Variants in RICTOR observed in about 807,000 individuals in gnomAD.
RICTOR encodes rapamycin-insensitive companion of mTOR.
Under a neutral mutation model 214.9 loss-of-function variants are expected in RICTOR, and 49 were observed. That is an observed-to-expected ratio of 0.23 (90% CI 0.18 to 0.29). RICTOR has a LOEUF of 0.29. RICTOR is among the 10% of genes least tolerant of loss of function. RICTOR has a pLI of 1.00. For missense variants in RICTOR, 1,625 were observed against 2,047.0 expected (o/e 0.79, Z 3.98); for synonymous variants, 717 against 711.3 (o/e 1.01, Z -0.13).
chr5:39,004,458 C>A (rs1473999424), intron 3 of RICTOR, among the ~76,000 whole-genome samples: 1 of 139,024 alleles, frequency 7.2e-6, no homozygotes, highest in Non-Finnish European at 1.6e-5. Context: ...ATTTATTTCT[C>A]AAACTCTTTT....
chr5:39,034,855 G>A (rs1756551560), intron 2 of RICTOR, among the ~76,000 whole-genome samples: 1 of 152,248 alleles, frequency 6.6e-6, no homozygotes, highest in Admixed American at 6.5e-5. Flanking sequence ...AGCTCAAGGA[G>A]GCCTGCCTGC....
intron 5 of RICTOR, among the ~76,000 whole-genome samples, chr5:38,998,634 G>A (rs62359816): frequency 0.11 from 17,346 of 152,248 alleles, 1,309 homozygotes; most frequent in Non-Finnish European, 0.17. Flanking sequence ...AGTTGTCAGA[G>A]GGGACTTCAA....
chr5:38,945,080 A>G lies in RICTOR; in HGVS notation c.4634-12T>C, dbSNP rs751081429. 2 of 1,570,584 alleles carry G rather than the reference A, an allele frequency of 1.3e-6. No individual in the cohort carries two copies. The highest frequency in any genetic ancestry group is 1.7e-6 in the Non-Finnish European group (2 of 1,149,156). On this transcript the variant is annotated splice_polypyrimidine_tract_variant and intron_variant, in intron 34 of 37. Coordinates refer to ENST00000357387, the MANE Select transcript of RICTOR (RefSeq NM_152756.5). ...AATATCTTGAAAGTCTGAAGAAAAAAATAATTATTTCAATTAAAGCACCAT... is the reference window on the plus strand; with the variant it reads ...AATATCTTGAAAGTCTGAAGAAAAAGATAATTATTTCAATTAAAGCACCAT...
intron 19 of RICTOR, among the ~76,000 whole-genome samples, chr5:38,961,446 G>A (rs747865324): frequency 6.6e-6 from 1 of 152,106 alleles, no homozygotes; most frequent in Non-Finnish European, 1.5e-5. Flanking sequence ...TTAGGCCAAT[G>A]AATTTATAGA....
In RICTOR at chr5:38,950,727, T is replaced by C. The variant is rs755119861; in HGVS notation, c.3128-7A>G. 4.5e-6 allele frequency: 7 copies of C among 1,549,378 alleles called. No individual in the cohort carries two copies. Among genetic ancestry groups the C allele is most frequent in the Non-Finnish European group, 6.1e-6 (7 of 1,150,028 alleles). On this transcript the variant is annotated splice_polypyrimidine_tract_variant and splice_region_variant and intron_variant, in intron 30 of 37. Coordinates refer to ENST00000357387, the MANE Select transcript of RICTOR (RefSeq NM_152756.5). ...TCCTCCAATATGAACATACCTATGA[T>C]TGAAGGATCAATTAATAAAAACACA...
chr5:38,962,428 G>T, intron 18 of RICTOR, 57 bp downstream of exon 18: 3 of 1,162,708 alleles, frequency 2.6e-6, no homozygotes, highest in Non-Finnish European at 1.3e-6. Flanking sequence ...AGATAATTAC[G>T]TTATAATTAA....
intron 34 of RICTOR, 62 bp from the exon 35 acceptor site, chr5:38,945,130 T>C (rs558437549): frequency 1.9e-5 from 21 of 1,132,716 alleles, no homozygotes; most frequent in Middle Eastern, 2.0e-4. Flanking sequence ...TGTGCTTACA[T>C]TGCATGCTAA....
At chr5:38,946,653 A>C (rs2112823431) in intron 32 of RICTOR, 101 bp from the exon 33 acceptor site, 1 of 721,046 alleles carries the variant, frequency 1.4e-6, no homozygotes, top group South Asian at 1.7e-5. Flanking sequence ...TAGAATTACC[A>C]TAGCATATGA....
At position 38,945,635 on chromosome 5, in the gene RICTOR, G is replaced by A. The variant is rs1748108906; in HGVS notation, c.4489C>T (p.His1497Tyr). Residue 1497 changes from histidine to tyrosine, a missense_variant, in exon 34 of 38, where the codon CAT becomes TAT. Transcript: ENST00000357387. ...MSLTEIMNSI[H>Y]SDASLFLEST... ...TCTAAAAACAGAGAGGCATCTGAATGGATTGAATTCATTATTTCCGTAAGA... is the reference window on the plus strand; with the variant it reads ...TCTAAAAACAGAGAGGCATCTGAATAGATTGAATTCATTATTTCCGTAAGA... The A allele has an allele frequency of 1.9e-6, 3 of 1,613,698 alleles. No individual in the cohort carries two copies. The highest frequency in any genetic ancestry group is 2.5e-6 in the Non-Finnish European group (3 of 1,179,634).
intron 9 of RICTOR, among the ~76,000 whole-genome samples, chr5:38,976,412 G>A (rs1751234774): frequency 1.3e-5 from 2 of 151,972 alleles, no homozygotes; most frequent in Admixed American, 1.3e-4. Context: ...GGAATAAACA[G>A]CAATGACAGA....
intron 22 of RICTOR, 105 bp from the exon 23 acceptor site, chr5:38,958,936 C>T (rs1749551439): frequency 2.3e-6 from 2 of 853,222 alleles, no homozygotes; most frequent in South Asian, 5.2e-5. Flanking sequence ...GGAAGAATGC[C>T]TGGAATTGGT....
At chr5:39,050,532 T>A (rs1329902890) in intron 2 of RICTOR, among the ~76,000 whole-genome samples, 1 of 152,104 alleles carries the variant, frequency 6.6e-6, no homozygotes, top group Non-Finnish European at 1.5e-5. Flanking sequence ...GGACAAGGTT[T>A]CACCACGTTT....
Position 39,027,006 on chromosome 5 carries a change from C to T in RICTOR, c.98-5870G>A, listed in dbSNP as rs183046471. Among the ~76,000 whole-genome samples the T allele has an allele frequency of 7.8e-3, 1,192 of 151,916 alleles. 21 individuals are homozygous for T. Among genetic ancestry groups the T allele is most frequent in the African/African-American group, 0.027 (1,108 of 41,442 alleles). ...CTGGGCAACAAGAGCAAAACCCCAT[C>T]TCAAAAAAATAAAAAATAATGTATT... On this transcript the variant is annotated intron_variant, in intron 2 of 37. Coordinates refer to ENST00000357387, the MANE Select transcript of RICTOR (RefSeq NM_152756.5).
intron 9 of RICTOR, among the ~76,000 whole-genome samples, chr5:38,976,271 T>C (rs1751220287): frequency 6.6e-6 from 1 of 151,554 alleles, no homozygotes; most frequent in Non-Finnish European, 1.5e-5. Flanking sequence ...CCAACCACCA[T>C]GTCTACCCTG....
rs1180186791 is a variant in RICTOR at position 38,940,244 on chromosome 5, GGT to G, written c.*2058_*2059del. 1.1e-3 allele frequency: 243 copies of G among 225,202 alleles called. No individual in the cohort carries two copies. The highest frequency in any genetic ancestry group is 1.4e-3 in the Non-Finnish European group (161 of 113,538). 14.0% of individuals were successfully genotyped at this position (225,202 alleles called of 1,614,324 possible). ...CAGGGATAGTGATGGTGGGGGAGGG[GGT>G]GTGTGTGTGTGTAAGACAAAAAAAA... On this transcript the variant is annotated 3_prime_UTR_variant, in exon 38 of 38. Transcript: ENST00000357387.
intron 11 of RICTOR, 199 bp downstream of exon 11, chr5:38,971,678 G>A (rs1750803110): frequency 2.5e-6 from 1 of 406,666 alleles, no homozygotes; most frequent in Non-Finnish European, 4.4e-6. Flanking sequence ...ACCGTGCCCA[G>A]ACAACAGCAA....
chr5:39,044,731 TG>T (rs1333653429), intron 2 of RICTOR, among the ~76,000 whole-genome samples: 1 of 152,148 alleles, frequency 6.6e-6, no homozygotes, highest in Non-Finnish European at 1.5e-5. Context: ...ACTTTTAACA[TG>T]GCAATGCATA....
intron 7 of RICTOR, among the ~76,000 whole-genome samples, chr5:38,990,654 TG>T (rs1416560760): frequency 3.4e-5 from 3 of 89,056 alleles, no homozygotes; most frequent in African/African-American, 1.2e-4. Context: ...ATCAGATATA[TG>T]ATATATATCA....
intron 6 of RICTOR, among the ~76,000 whole-genome samples, chr5:38,994,117 G>A (rs573380994): frequency 2.0e-5 from 3 of 151,984 alleles, no homozygotes; most frequent in African/African-American, 7.2e-5. Context: ...TTGAACCCGG[G>A]AGGTGGAGCT....
Sources: allele counts gnomAD v4.1 joint callset (sites outside exome capture counted in the v4.1 genomes callset), GRCh38; gene constraint gnomAD v4.1.1; transcripts MANE v1.5; gene names NCBI Gene and HGNC (gene_info 2026-07-23, HGNC 2026-07-21).